The following AFF3 variants were observed in gnomAD, a reference collection of about 807,000 sequenced individuals.
AFF3 encodes the protein ALF transcription elongation factor 3.
A neutral mutation model predicts 129.7 loss-of-function variants in AFF3; 32 were observed. That is an observed-to-expected ratio of 0.25 (90% CI 0.19 to 0.33). AFF3 has a LOEUF of 0.33. Among genes scored for constraint, AFF3 ranks in the 10% least tolerant of loss-of-function variants. The pLI is 1.00. For missense variants in AFF3, 1,373 were observed against 1,592.0 expected (o/e 0.86, Z 2.34); for synonymous variants, 644 against 635.4 (o/e 1.01, Z -0.20).
chr2:99,606,933 A>G (rs1251913415), intron 13 of AFF3, among the ~76,000 whole-genome samples: 1 of 151,614 alleles, frequency 6.6e-6, no homozygotes, highest in African/African-American at 2.4e-5. Flanking sequence ...AAAAAAAAAA[A>G]AAAAAAGAGT....
intron 7 of AFF3, among the ~76,000 whole-genome samples, chr2:99,861,636 GTTTTC>G (rs1320219087): frequency 6.6e-6 from 1 of 152,028 alleles, no homozygotes; most frequent in African/African-American, 2.4e-5. Context: ...TCCTCTTTTT[GTTTTC>G]TTATCTTGAA....
chr2:100,131,012 C>T (rs1456046059), intron 1 of AFF3, among the ~76,000 whole-genome samples: 1 of 152,158 alleles, frequency 6.6e-6, no homozygotes, highest in Non-Finnish European at 1.5e-5. Context: ...GCAATATTTT[C>T]AGCTCCACGT....
At chr2:99,712,498 T>C (rs34363880) in intron 11 of AFF3, among the ~76,000 whole-genome samples, 26,625 of 152,284 alleles carry the variant, frequency 0.17, 2,782 homozygotes, top group South Asian at 0.27. Flanking sequence ...CTCACTCCTT[T>C]GGCACAAAGC....
At chr2:100,024,481 G>A (rs934272929) in intron 4 of AFF3, among the ~76,000 whole-genome samples, 3 of 151,314 alleles carry the variant, frequency 2.0e-5, no homozygotes, top group Non-Finnish European at 2.9e-5. Flanking sequence ...GGTGGCGAAC[G>A]CCTGTAATCC....
At chr2:100,135,356 G>A (rs1692594754) in intron 1 of AFF3, among the ~76,000 whole-genome samples, 1 of 152,218 alleles carries the variant, frequency 6.6e-6, no homozygotes, top group African/African-American at 2.4e-5. Flanking sequence ...AATAGAAGAC[G>A]GGATAAAGGC....
chr2:99,921,594 T>C (rs527439773), intron 7 of AFF3, among the ~76,000 whole-genome samples: 75 of 152,288 alleles, frequency 4.9e-4, no homozygotes, highest in African/African-American at 1.7e-3. Context: ...CAATGTACTA[T>C]CTTTGCAACT....
chr2:100,007,084 T>C (rs947853143), intron 6 of AFF3, 64 bp downstream of exon 6: 6 of 1,587,116 alleles, frequency 3.8e-6, no homozygotes, highest in African/African-American at 1.4e-5. Context: ...ATTTTCTTTT[T>C]TCATTATAGT....
intron 2 of AFF3, chr2:100,106,360 GA>G: frequency 8.8e-7 from 1 of 1,137,832 alleles, no homozygotes; most frequent in Non-Finnish European, 1.1e-6. Context: ...AAAACATAGA[GA>G]ATATGAATAT....
At chr2:99,951,208 T>C (rs1275455590) in intron 7 of AFF3, among the ~76,000 whole-genome samples, 3 of 152,226 alleles carry the variant, frequency 2.0e-5, no homozygotes, top group African/African-American at 7.2e-5. Context: ...CCCTTGAAAA[T>C]ATCTTTCTGA....
chr2:99,848,640 A>T (rs1349532020), intron 7 of AFF3, among the ~76,000 whole-genome samples: 2 of 152,238 alleles, frequency 1.3e-5, no homozygotes, highest in Non-Finnish European at 2.9e-5. Flanking sequence ...TGTTGGAACA[A>T]TCTAACAAAA....
intron 13 of AFF3, among the ~76,000 whole-genome samples, chr2:99,640,133 A>G (rs1684055445): frequency 6.6e-6 from 1 of 152,168 alleles, no homozygotes; most frequent in African/African-American, 2.4e-5. Context: ...AACATATTTC[A>G]AAATAGGGAT....
chr2:99,624,079 G>A (rs1175712344), intron 13 of AFF3, among the ~76,000 whole-genome samples: 1 of 152,186 alleles, frequency 6.6e-6, no homozygotes, highest in Admixed American at 6.5e-5. Flanking sequence ...GGAGCCACCG[G>A]GTTGCTTCTA....
At chr2:99,581,369 G>A (rs1677524222) in intron 17 of AFF3, among the ~76,000 whole-genome samples, 1 of 152,070 alleles carries the variant, frequency 6.6e-6, no homozygotes, top group African/African-American at 2.4e-5. Context: ...CCAAGTGAGG[G>A]TGCACAAAAA....
At chr2:99,711,163 G>A (rs939969588) in intron 11 of AFF3, among the ~76,000 whole-genome samples, 6 of 152,060 alleles carry the variant, frequency 3.9e-5, no homozygotes, top group Admixed American at 3.9e-4. Context: ...CTTCAGAAAT[G>A]GGGTTTCTTC....
intron 1 of AFF3, among the ~76,000 whole-genome samples, chr2:100,136,800 C>T (rs1223414336): frequency 1.3e-5 from 2 of 152,038 alleles, no homozygotes; most frequent in African/African-American, 4.8e-5. Flanking sequence ...TTAATTTAAT[C>T]TTTTAAAATA....
intron 20 of AFF3, among the ~76,000 whole-genome samples, chr2:99,563,389 A>G (rs1369789204): frequency 6.6e-6 from 1 of 151,356 alleles, no homozygotes; most frequent in Non-Finnish European, 1.5e-5. Flanking sequence ...ACGGGGTTTC[A>G]TCGTATTAGC....
intron 13 of AFF3, among the ~76,000 whole-genome samples, chr2:99,613,305 A>AT (rs1681107234): frequency 2.6e-5 from 4 of 152,214 alleles, no homozygotes; most frequent in Non-Finnish European, 5.9e-5. Context: ...ACGTTAAGTA[A>AT]TATAAAAGTT....
chr2:99,861,423 C>T lies in AFF3; in HGVS notation c.874-23899G>A, dbSNP rs1690991236. Among the ~76,000 whole-genome samples the T allele has an allele frequency of 2.0e-5, 3 of 152,146 alleles. No homozygotes were observed. In the South Asian group the frequency reaches 6.2e-4, roughly 31 times the overall value. ...TGGTCACTCTCTGTGTTTCAGTTTC[C>T]CCCACTACATAAATGAGGGTAATAA... is the stretch of plus-strand genomic sequence containing the variant. On this transcript the variant is annotated intron_variant, in intron 7 of 24. Coordinates refer to ENST00000672756, the MANE Select transcript of AFF3 (RefSeq NM_001386135.1).
intron 11 of AFF3, among the ~76,000 whole-genome samples, chr2:99,681,443 G>A (rs1674516288): frequency 6.6e-6 from 1 of 152,196 alleles, no homozygotes; most frequent in Admixed American, 6.5e-5. Context: ...CAGGCATCAG[G>A]ACTTCTGACA....
Sources: allele counts gnomAD v4.1 joint callset (sites outside exome capture counted in the v4.1 genomes callset), GRCh38; gene constraint gnomAD v4.1.1; transcripts MANE v1.5; gene names NCBI Gene and HGNC (gene_info 2026-07-23, HGNC 2026-07-21).